The following STMND1 variants were observed in gnomAD, a reference collection of about 807,000 sequenced individuals.
STMND1 encodes stathmin domain containing 1, also known as stathmin domain-containing protein 1.
STMND1 carries 17 observed loss-of-function variants against 23.0 expected under a neutral mutation model. The observed-to-expected ratio is 0.74, with a 90% confidence interval of 0.51 to 1.11. The LOEUF is 1.11. Ranked by LOEUF, STMND1 falls within the 50% of genes least tolerant of loss-of-function variation. The pLI is 0.00. For synonymous variants in STMND1, 114 were observed against 119.9 expected, an observed-to-expected ratio of 0.95 and a Z score of 0.32; for missense variants, 305 against 329.1, an observed-to-expected ratio of 0.93 and a Z score of 0.57.
intron 1 of STMND1, 121 bp downstream of exon 1, chr6:17,102,459 G>A (rs1254176466): frequency 6.7e-5 from 78 of 1,160,410 alleles, no homozygotes; most frequent in Admixed American, 2.2e-4. Context: ...GTCGAGGCTA[G>A]TTAACAGGTG....
rs1760951384 is a variant in STMND1 at position 17,102,300 on chromosome 6, G to A, written c.43G>A (p.Val15Ile). The change falls in exon 1 of 5, where the codon GTA becomes ATA. Residue 15 changes from valine (V) to isoleucine (I), a missense_variant. Val to Ile is a conservative substitution (Grantham distance 29, BLOSUM62 3). Transcript: ENST00000536551. ...PSQPAEDRRR[V>I]RAPKKGWKEE... Reference sequence around the variant, plus strand: ...CCAACCTGCTGAAGACCGGAGACGTGTACGCGCGCCCAAGAAGGGCTGGAA... The same window carrying A: ...CCAACCTGCTGAAGACCGGAGACGTATACGCGCGCCCAAGAAGGGCTGGAA... 1 of 1,535,940 alleles carries A rather than the reference G, an allele frequency of 6.5e-7. No individual in the cohort carries two copies. The highest frequency in any genetic ancestry group is 1.4e-5 in the African/African-American group (1 of 73,036).
chr6:17,106,925 T>G (rs2113473208), intron 1 of STMND1, among the ~76,000 whole-genome samples: 1 of 152,296 alleles, frequency 6.6e-6, no homozygotes, highest in African/African-American at 2.4e-5. Context: ...TGGAGAAATG[T>G]TTTTCTTCTA....
chr6:17,120,394 T>G (rs2113487357), intron 2 of STMND1, among the ~76,000 whole-genome samples: 1 of 152,312 alleles, frequency 6.6e-6, no homozygotes, highest in East Asian at 1.9e-4. Flanking sequence ...ATCTGCTAAG[T>G]AAACAGTATA....
chr6:17,115,372 T>TAA (rs75171969), intron 2 of STMND1, among the ~76,000 whole-genome samples: 2,519 of 116,012 alleles, frequency 0.022, 99 homozygotes, highest in African/African-American at 0.074. Context: ...GGACCATCTT[T>TAA]AAAAAAAAAA....
intron 1 of STMND1, among the ~76,000 whole-genome samples, chr6:17,108,696 C>CTTTTTT (rs10653504): frequency 3.6e-5 from 5 of 138,734 alleles, no homozygotes; most frequent in Admixed American, 7.4e-5. Flanking sequence ...TTTTCTTTTT[C>CTTTTTT]TTTTTTTTTT....
At chr6:17,106,355 T>C (rs558098130) in intron 1 of STMND1, among the ~76,000 whole-genome samples, 2 of 152,292 alleles carry the variant, frequency 1.3e-5, no homozygotes, top group South Asian at 4.1e-4. Flanking sequence ...ACAGGCACTG[T>C]TTTTTAATCT....
intron 4 of STMND1, among the ~76,000 whole-genome samples, chr6:17,129,810 C>A (rs1300439401): frequency 1.3e-5 from 2 of 151,950 alleles, no homozygotes; most frequent in East Asian, 3.9e-4. Flanking sequence ...TGCCACTGCA[C>A]CCCAGCCTGG....
chr6:17,116,037 AT>A (rs1055304900), intron 2 of STMND1, among the ~76,000 whole-genome samples: 43 of 152,102 alleles, frequency 2.8e-4, no homozygotes, highest in African/African-American at 8.0e-4. Context: ...TGACAAATAC[AT>A]TTTTTTTCTT....
At chr6:17,116,798 T>TA (rs1238207490) in intron 2 of STMND1, among the ~76,000 whole-genome samples, 1 of 152,162 alleles carries the variant, frequency 6.6e-6, no homozygotes, top group African/African-American at 2.4e-5. Flanking sequence ...TTTCCTTGTT[T>TA]AAAAAACTTT....
chr6:17,116,232 G>A (rs976161690), intron 2 of STMND1, among the ~76,000 whole-genome samples: 1 of 152,166 alleles, frequency 6.6e-6, no homozygotes, highest in African/African-American at 2.4e-5. Flanking sequence ...GCAGAAGGGT[G>A]TTGAGAGAGA....
intron 3 of STMND1, among the ~76,000 whole-genome samples, chr6:17,123,028 A>G (rs1338313454): frequency 6.6e-6 from 1 of 152,174 alleles, no homozygotes; most frequent in African/African-American, 2.4e-5. Context: ...TAGCTAAGCA[A>G]TGTCTTCTTA....
chr6:17,115,137 C>G lies in STMND1; in HGVS notation c.257C>G (p.Ser86Ter). ...AGTGAAAGAAACAGACGAGTAAATT[C>G]AGGTAACCTCCCTCTGCCCCCATTC... ...SPSERNRRVNSDLVTNGLINK... is the reference protein window; with the variant it reads ...SPSERNRRVN Residue 86 changes from serine (S) to a stop codon, truncating the protein, a stop_gained and splice_region_variant, in exon 2 of 5, where the codon TCA (serine) becomes TGA (stop). Transcript: ENST00000536551. LOFTEE classifies it high-confidence loss of function. The G allele has an allele frequency of 6.5e-7, 1 of 1,533,944 alleles. No homozygotes were observed. The highest frequency in any genetic ancestry group is 8.7e-7 in the Non-Finnish European group (1 of 1,146,100).
chr6:17,102,667 C>A (rs1022337867), intron 1 of STMND1, among the ~76,000 whole-genome samples: 1 of 152,090 alleles, frequency 6.6e-6, no homozygotes, highest in African/African-American at 2.4e-5. Context: ...AAGGAATAAC[C>A]GGATGAGCAG....
Position 17,102,109 on chromosome 6 carries a change from G to A in STMND1, c.-149G>A. 1 of 680,182 alleles carries A rather than the reference G, an allele frequency of 1.5e-6. No homozygotes were observed. The allele number at this position is 680,182 out of a possible 1,614,324, so 42.1% of individuals were successfully genotyped here. ...TGCCCGGGGTTTAAGCGCGGGAAGT[G>A]GGAGAGGCGGGTGGCGCCCGAGCGC... On this transcript the variant is annotated 5_prime_UTR_variant, in exon 1 of 5. Transcript: ENST00000536551.
chr6:17,103,208 A>C (rs1760966800), intron 1 of STMND1, among the ~76,000 whole-genome samples: 1 of 152,148 alleles, frequency 6.6e-6, no homozygotes, highest in South Asian at 2.1e-4. Flanking sequence ...GTGAAAGGAA[A>C]CCCTATTAAT....
rs1315658093 is a variant in STMND1, at chr6:17,130,711, AG to A, written c.664del (p.Val222Ter). On this transcript the variant is annotated frameshift_variant, in exon 5 of 5. Transcript: ENST00000536551. LOFTEE classifies it low-confidence loss of function (END_TRUNC). ...GGTTGCATTTGCCAAAGGACTTCAA[AG>A]GGTGAGGTCTGCTGGATTTGAACCA... ...AEVAFAKGLQ[R>X]VRSAGFEPSD... 2.3e-5 allele frequency: 35 copies of A among 1,536,128 alleles called. No individual in the cohort carries two copies. Among genetic ancestry groups the A allele is most frequent in the Non-Finnish European group, 3.1e-5 (35 of 1,146,886 alleles).
chr6:17,107,375 T>C (rs915616302), intron 1 of STMND1, among the ~76,000 whole-genome samples: 1 of 152,082 alleles, frequency 6.6e-6, no homozygotes, highest in African/African-American at 2.4e-5. Context: ...GCTGTTAGCT[T>C]ATAATTCACA....
chr6:17,104,632 T>C (rs1232686891), intron 1 of STMND1, among the ~76,000 whole-genome samples: 2 of 152,152 alleles, frequency 1.3e-5, no homozygotes, highest in African/African-American at 2.4e-5. Flanking sequence ...CTGGATCCTT[T>C]TTCTACTTCC....
At chr6:17,102,635 G>A (rs1390161400) in intron 1 of STMND1, among the ~76,000 whole-genome samples, 2 of 152,150 alleles carry the variant, frequency 1.3e-5, no homozygotes, top group Non-Finnish European at 2.9e-5. Flanking sequence ...TTACGAAGGT[G>A]GTCACACCCC....
Sources: allele counts gnomAD v4.1 joint callset (sites outside exome capture counted in the v4.1 genomes callset), GRCh38; gene constraint gnomAD v4.1.1; transcripts MANE v1.5; gene names NCBI Gene and HGNC (gene_info 2026-07-23, HGNC 2026-07-21).